The following RYR1 variants were observed in gnomAD, a reference collection of about 807,000 sequenced individuals.
The protein encoded by RYR1 is ryanodine receptor 1, also known as central core disease of muscle.
RYR1 carries 342 observed loss-of-function variants against 583.5 expected under a neutral mutation model. The ratio of observed to expected loss-of-function variants is 0.59; its 90% CI spans 0.54 to 0.64. The LOEUF (loss-of-function observed/expected upper bound fraction) is 0.64, where lower values mean the gene tolerates loss of function less well. Among genes scored for constraint, RYR1 ranks in the 30% least tolerant of loss-of-function variants. The pLI is 0.00. For synonymous variants in RYR1, 2,791 were observed against 2,822.5 expected, an observed-to-expected ratio of 0.99 and a Z score of 0.35; for missense variants, 6,032 against 6,917.2, an observed-to-expected ratio of 0.87 and a Z score of 4.54.
Position 38,555,999 on chromosome 19 carries a change from G to C in RYR1, c.12283-5114G>C, listed in dbSNP as rs144680531. On this transcript the variant is annotated intron_variant, in intron 89 of 105. Coordinates refer to ENST00000359596, the MANE Select transcript of RYR1 (RefSeq NM_000540.3). ...CTGCCTCAGCCTCCTGAGTAGCTGG[G>C]ATTACAGGCATGCGCCACCACACCT... is the stretch of plus-strand genomic sequence containing the variant. Among the ~76,000 whole-genome samples the C allele has an allele frequency of 8.9e-3, 1,353 of 152,128 alleles. 39 individuals carry two copies. The highest frequency in any genetic ancestry group is 0.076 in the East Asian group (393 of 5,140).
intron 24 of RYR1, among the ~76,000 whole-genome samples, chr19:38,466,962 A>G (rs537901743): frequency 5.9e-5 from 9 of 152,244 alleles, no homozygotes; most frequent in African/African-American, 2.2e-4. Context: ...ACTGCAAACC[A>G]GAGCCGTCAG....
intron 67 of RYR1, among the ~76,000 whole-genome samples, chr19:38,521,930 G>C (rs1012352552): frequency 6.6e-6 from 1 of 151,756 alleles, no homozygotes; most frequent in African/African-American, 2.4e-5. Flanking sequence ...GGATGGTCTC[G>C]ATCTCCTGAC....
chr19:38,466,384 C>G lies in RYR1; in HGVS notation c.3164C>G (p.Pro1055Arg), dbSNP rs1254584171. The change falls in exon 24 of 106, where the codon CCT becomes CGT. Residue 1055 changes from proline to arginine, a missense_variant. Coordinates refer to ENST00000359596, the MANE Select transcript of RYR1 (RefSeq NM_000540.3). ...GGCTACGGCTACAACATCGAGCCTC[C>G]TGACCAGGAGCCCAGTGAGTGCTCA... Reference protein sequence around the residue: ...LLGYGYNIEPPDQEPSQVENQ... With the variant: ...LLGYGYNIEPRDQEPSQVENQ... The G allele has an allele frequency of 1.9e-6, 3 of 1,549,988 alleles. No individual in the cohort carries two copies. The Admixed American group carries it at 5.8e-5, about 30-fold the overall frequency.
chr19:38,568,897 A>G (rs925580650), intron 93 of RYR1, among the ~76,000 whole-genome samples: 4 of 152,118 alleles, frequency 2.6e-5, no homozygotes, highest in Non-Finnish European at 5.9e-5. Flanking sequence ...TGGCCGTGCG[A>G]GGGGGCTCAT....
At chr19:38,545,760 G>A (rs1052532784) in intron 87 of RYR1, among the ~76,000 whole-genome samples, 8 of 152,166 alleles carry the variant, frequency 5.3e-5, no homozygotes, top group African/African-American at 9.7e-5. Flanking sequence ...GCAGTGAGCC[G>A]AGATTGCGCC....
intron 33 of RYR1, 26 bp from the exon 34 acceptor site, chr19:38,485,564 C>T (rs1176168580): frequency 1.2e-6 from 2 of 1,605,996 alleles, no homozygotes; most frequent in Admixed American, 1.7e-5. Context: ...TCATCTGTCC[C>T]TGTCTGTTTC....
chr19:38,557,149 G>C (rs977471298), intron 89 of RYR1, among the ~76,000 whole-genome samples: 4 of 148,816 alleles, frequency 2.7e-5, no homozygotes, highest in Admixed American at 6.9e-5. Flanking sequence ...CGCCTCCCAG[G>C]TTCAAGCGAT....
chr19:38,455,139 A>G, intron 13 of RYR1, 96 bp from the exon 14 acceptor site: 1 of 1,389,816 alleles, frequency 7.2e-7, no homozygotes, highest in Non-Finnish European at 1.0e-6. Context: ...CACCGTCACT[A>G]GTTGTTGAAG....
At chr19:38,586,285 G>T in intron 104 of RYR1, 94 bp downstream of exon 104, 2 of 1,175,102 alleles carry the variant, frequency 1.7e-6, no homozygotes, top group East Asian at 7.3e-5. Context: ...AGGAAAGGGG[G>T]TGTAGTGTCC....
chr19:38,533,175 C>A (rs1003397572), intron 78 of RYR1, among the ~76,000 whole-genome samples: 1 of 151,982 alleles, frequency 6.6e-6, no homozygotes, highest in Non-Finnish European at 1.5e-5. Flanking sequence ...ATAAAAGGAG[C>A]CTGCCAGTTG....
chr19:38,485,925 A>T lies in RYR1; in HGVS notation c.5270A>T (p.His1757Leu). The T allele has an allele frequency of 6.2e-7, 1 of 1,613,284 alleles. No homozygotes were observed. The highest frequency in any genetic ancestry group is 8.5e-7 in the Non-Finnish European group (1 of 1,179,876). ...CCTGGAAGGAGCACAGAAAATGGTC[A>T]CCCCCGGCATGGCCTGCCGGGAGTT... ...FPPGRSTENG[H>L]PRHGLPGVGV... The change falls in exon 34 of 106, where the codon CAC becomes CTC. Residue 1757 changes from histidine to leucine, a missense_variant. By Grantham distance (99) the His-to-Leu change is moderately conservative. Around this residue, in one of 11 missense-constraint regions of RYR1, gnomAD observed 2,627 missense variants for 2,961.3 expected, o/e 0.89. Transcript: ENST00000359596.
At chr19:38,484,677 A>G (rs948456868) in intron 33 of RYR1, among the ~76,000 whole-genome samples, 5 of 152,074 alleles carry the variant, frequency 3.3e-5, no homozygotes, top group Admixed American at 2.6e-4. Flanking sequence ...TATTCATTCA[A>G]CAAATATTTA....
Position 38,477,866 on chromosome 19 carries a change from A to C in RYR1, c.4450A>C (p.Ser1484Arg). ...GGGGGATGAACAAGGCAACGTCCAC[A>C]GCAGGTGCCGGGGCTGGGGGGAGGT... is the stretch of plus-strand genomic sequence containing the variant. ...TMGDEQGNVH[S>R]SLKCSNCYMV... The change falls in exon 30 of 106, where the codon AGC (serine) becomes CGC (arginine). Residue 1484 changes from serine (S) to arginine (R), a missense_variant. Physicochemically the swap from Ser to Arg is moderately radical, Grantham distance 110. Transcript: ENST00000359596. The C allele has an allele frequency of 1.5e-6, 2 of 1,359,054 alleles. No homozygotes were observed. Among genetic ancestry groups the C allele is most frequent in the Non-Finnish European group, 2.0e-6 (2 of 991,626 alleles). The allele number at this position is 1,359,054 out of a possible 1,614,324, so 84.2% of individuals were successfully genotyped here. A position where few individuals can be genotyped will look rare whatever the true frequency, so the allele number is the denominator to read the frequency against.
At chr19:38,548,174 C>A in intron 88 of RYR1, 59 bp from the exon 89 acceptor site, 2 of 1,599,266 alleles carry the variant, frequency 1.3e-6, no homozygotes, top group Non-Finnish European at 8.6e-7. Flanking sequence ...GAGAGGCAAG[C>A]CTGGTGGGGC....
chr19:38,550,408 G>T (rs1972616047), intron 89 of RYR1, among the ~76,000 whole-genome samples: 1 of 152,132 alleles, frequency 6.6e-6, no homozygotes, highest in Non-Finnish European at 1.5e-5. Context: ...ATCATTATCA[G>T]ACTAGGGTTA....
intron 96 of RYR1, among the ~76,000 whole-genome samples, chr19:38,574,154 G>A (rs1029246397): frequency 2.6e-5 from 4 of 151,840 alleles, no homozygotes; most frequent in South Asian, 2.1e-4. Flanking sequence ...TAGCTACTCC[G>A]GAGGCTGAGG....
At chr19:38,505,181 A>G in intron 52 of RYR1, 100 bp downstream of exon 52, 1 of 1,161,322 alleles carries the variant, frequency 8.6e-7, no homozygotes, top group Non-Finnish European at 1.2e-6. Context: ...GAGACCCCCC[A>G]GCCTTCCCTA....
chr19:38,458,333 G>A, intron 18 of RYR1, 41 bp downstream of exon 18: 1 of 1,592,214 alleles, frequency 6.3e-7, no homozygotes, highest in Non-Finnish European at 8.6e-7. Context: ...CCTGACCATT[G>A]ACCCCAGCAT....
chr19:38,517,795 A>T (rs1971043564), intron 66 of RYR1, 104 bp downstream of exon 66: 2 of 1,151,210 alleles, frequency 1.7e-6, no homozygotes, highest in African/African-American at 3.0e-5. Flanking sequence ...AGTTGGGAGG[A>T]GTCAGAGTGT....
Sources: allele counts gnomAD v4.1 joint callset (sites outside exome capture counted in the v4.1 genomes callset), GRCh38; gene constraint gnomAD v4.1.1; regional missense constraint gnomAD v4.1.1; transcripts MANE v1.5; gene names NCBI Gene and HGNC (gene_info 2026-07-23, HGNC 2026-07-21).